The following FAF2 variants were observed in gnomAD, a reference collection of about 807,000 sequenced individuals.
FAF2 encodes the protein FAS-associated factor 2.
A neutral mutation model predicts 62.3 loss-of-function variants in FAF2; 9 were observed. That is an observed-to-expected ratio of 0.14 (90% CI 0.09 to 0.25). The LOEUF (loss-of-function observed/expected upper bound fraction) is 0.25, where lower values mean the gene tolerates loss of function less well. FAF2 is among the 10% of genes least tolerant of loss of function. FAF2 has a pLI of 1.00. For synonymous variants in FAF2, 202 were observed against 198.0 expected (o/e 1.02, Z -0.17); for missense variants, 368 against 556.2 (o/e 0.66, Z 3.40).
chr5:176,487,692 A>G (rs1458532312), intron 3 of FAF2, among the ~76,000 whole-genome samples: 1 of 152,200 alleles, frequency 6.6e-6, no homozygotes, highest in Non-Finnish European at 1.5e-5. Flanking sequence ...TAACAGCAAT[A>G]ATAATTAGCA....
intron 1 of FAF2, among the ~76,000 whole-genome samples, chr5:176,478,503 G>A (rs1395542632): frequency 6.6e-6 from 1 of 152,082 alleles, no homozygotes; most frequent in African/African-American, 2.4e-5. Context: ...GGGGGGTAGG[G>A]GGGTCGGTAT....
intron 1 of FAF2, among the ~76,000 whole-genome samples, chr5:176,454,147 C>CT (rs1246399676): frequency 2.0e-5 from 3 of 151,234 alleles, no homozygotes; most frequent in Non-Finnish European, 4.4e-5. Flanking sequence ...AATCTCAGCA[C>CT]TTTGGGAGGC....
At position 176,451,795 on chromosome 5, in the gene FAF2, T is replaced by C. The variant is rs1290364352; in HGVS notation, c.63+3325T>C. Among the ~76,000 whole-genome samples the C allele has an allele frequency of 1.2e-4, 7 of 56,338 alleles. 1 individual carries two copies. The Admixed American group carries it at 1.7e-3, about 14-fold the overall frequency. The allele number at this position is 56,338 out of a possible 152,430, so 37.0% of individuals were successfully genotyped here. ...ATATACGTGTGTGTGTGTATATATA[T>C]ATACATATATATATACACACATATA... On this transcript the variant is annotated intron_variant, in intron 1 of 10. Transcript: ENST00000261942.
intron 1 of FAF2, among the ~76,000 whole-genome samples, chr5:176,457,230 C>T (rs1758292152): frequency 6.6e-6 from 1 of 152,012 alleles, no homozygotes; most frequent in African/African-American, 2.4e-5. Context: ...GCTGTTGTCC[C>T]CAGGCTGGAG....
At chr5:176,452,310 G>A (rs778560348) in intron 1 of FAF2, among the ~76,000 whole-genome samples, 89 of 152,148 alleles carry the variant, frequency 5.8e-4, no homozygotes, top group Middle Eastern at 3.4e-3. Flanking sequence ...CACCTGCCTC[G>A]GCCTCCCAAA....
intron 1 of FAF2, among the ~76,000 whole-genome samples, chr5:176,472,105 C>G (rs1758581252): frequency 6.6e-6 from 1 of 152,016 alleles, no homozygotes; most frequent in South Asian, 2.1e-4. Context: ...GTCCAGACAT[C>G]TGTAGGGTTT....
chr5:176,457,653 G>GGGGT (rs1554131308), intron 1 of FAF2, among the ~76,000 whole-genome samples: 4 of 150,094 alleles, frequency 2.7e-5, no homozygotes, highest in East Asian at 2.0e-4. Context: ...TGTTTTCAGG[G>GGGGT]GTGTGTGTGT....
At chr5:176,477,524 A>G (rs1031314539) in intron 1 of FAF2, among the ~76,000 whole-genome samples, 5 of 152,204 alleles carry the variant, frequency 3.3e-5, no homozygotes, top group African/African-American at 1.2e-4. Flanking sequence ...GCAAATGTGA[A>G]GAGTCCTGTA....
chr5:176,451,893 T>TATATA (rs1491147946), intron 1 of FAF2, among the ~76,000 whole-genome samples: 1 of 14,818 alleles, frequency 6.7e-5, no homozygotes, highest in African/African-American at 2.7e-4. Context: ...TATATATATA[T>TATATA]TTTTTTTTTT....
chr5:176,450,556 C>CTT (rs772435860), intron 1 of FAF2, among the ~76,000 whole-genome samples: 3 of 144,140 alleles, frequency 2.1e-5, no homozygotes, highest in African/African-American at 5.1e-5. Flanking sequence ...CTGTGGAGAT[C>CTT]TTTTTTTTTT....
At chr5:176,472,769 A>G (rs1434946683) in intron 1 of FAF2, among the ~76,000 whole-genome samples, 2 of 151,894 alleles carry the variant, frequency 1.3e-5, no homozygotes, top group Admixed American at 1.3e-4. Flanking sequence ...AGAAAGAAAA[A>G]TAGGGCTCAT....
At chr5:176,470,466 A>G (rs1466513601) in intron 1 of FAF2, among the ~76,000 whole-genome samples, 2 of 152,254 alleles carry the variant, frequency 1.3e-5, no homozygotes, top group Admixed American at 6.5e-5. Context: ...AATGCCAGCT[A>G]CGCGGGAGGC....
At chr5:176,454,856 A>G (rs1341564034) in intron 1 of FAF2, among the ~76,000 whole-genome samples, 2 of 152,274 alleles carry the variant, frequency 1.3e-5, no homozygotes, top group Admixed American at 6.5e-5. Context: ...CATTTCTGCA[A>G]ACTCTACTCT....
chr5:176,487,489 A>T (rs1758895645), intron 3 of FAF2, among the ~76,000 whole-genome samples: 1 of 152,032 alleles, frequency 6.6e-6, no homozygotes, highest in African/African-American at 2.4e-5. Flanking sequence ...GGCCTACTTG[A>T]TGTTTTAAAA....
rs1581074772 is a variant in FAF2, at chr5:176,497,557, T to C, written c.839+894T>C. ...ACATTTTAAAAATTACTGCATAACA[T>C]TCCATTATCTAAATACATCATAATT... On this transcript the variant is annotated intron_variant, in intron 8 of 10. Transcript: ENST00000261942. Among the ~76,000 whole-genome samples, 4 of 152,324 alleles carry C rather than the reference T, an allele frequency of 2.6e-5. No individual in the cohort carries two copies. The South Asian group carries it at 8.3e-4, about 32-fold the overall frequency.
Position 176,458,408 on chromosome 5 carries a change from C to CTTTTTTTTTTTTTTTTTTTTT in FAF2, c.63+9957_63+9958insTTTTTTTTTTTTTTTTTTTTT. Among the ~76,000 whole-genome samples the CTTTTTTTTTTTTTTTTTTTTT allele has an allele frequency of 2.3e-5, 2 of 86,364 alleles. 1 individual carries two copies. Among genetic ancestry groups the CTTTTTTTTTTTTTTTTTTTTT allele is most frequent in the Non-Finnish European group, 4.1e-5 (2 of 48,360 alleles). 56.7% of individuals were successfully genotyped at this position (86,364 alleles called of 152,430 possible). A position where few individuals can be genotyped will look rare whatever the true frequency, so the allele number is the denominator to read the frequency against. ...CAGAATAATATTTTTCTTTTTCTTC[C>CTTTTTTTTTTTTTTTTTTTTT]TTTTTTTTTTTTTTTTTTTGAGACG... is the stretch of plus-strand genomic sequence containing the variant. On this transcript the variant is annotated intron_variant, in intron 1 of 10. Coordinates refer to ENST00000261942, the MANE Select transcript of FAF2 (RefSeq NM_014613.3).
chr5:176,490,422 T>C (rs1758953956), intron 4 of FAF2, among the ~76,000 whole-genome samples: 1 of 152,078 alleles, frequency 6.6e-6, no homozygotes, highest in African/African-American at 2.4e-5. Flanking sequence ...GGAACTTAAA[T>C]GTTCAAGGGC....
Position 176,500,239 on chromosome 5 carries a change from T to G in FAF2, c.1155+93T>G, listed in dbSNP as rs755853352. The G allele has an allele frequency of 1.0e-4, 125 of 1,232,426 alleles. 1 individual carries two copies. The highest frequency in any genetic ancestry group is 1.4e-4 in the Non-Finnish European group (121 of 861,756). The allele number at this position is 1,232,426 out of a possible 1,614,324, so 76.3% of individuals were successfully genotyped here. On this transcript the variant is annotated intron_variant, in intron 10 of 10. Coordinates refer to ENST00000261942, the MANE Select transcript of FAF2 (RefSeq NM_014613.3). ...CTCTTGAGAGTGGTGTTGGTGTATC[T>G]GCTGCTCTGATGAACAGGGAACAGA...
intron 5 of FAF2, 106 bp from the exon 6 acceptor site, chr5:176,493,893 T>C: frequency 1.3e-6 from 1 of 748,046 alleles, no homozygotes. Flanking sequence ...TTCCTTATTT[T>C]TCCTTTTGTT....
Sources: allele counts gnomAD v4.1 joint callset (sites outside exome capture counted in the v4.1 genomes callset), GRCh38; gene constraint gnomAD v4.1.1; transcripts MANE v1.5; gene names NCBI Gene and HGNC (gene_info 2026-07-23, HGNC 2026-07-21).